Variants in DCDC2 observed in about 807,000 individuals in gnomAD.
DCDC2 encodes doublecortin domain-containing protein 2.
In DCDC2, 40 loss-of-function variants were observed where a neutral mutation model predicts 50.2. The ratio of observed to expected loss-of-function variants is 0.80; its 90% CI spans 0.62 to 1.04. The LOEUF (loss-of-function observed/expected upper bound fraction) is 1.04. Ranked by LOEUF, DCDC2 falls within the 50% of genes least tolerant of loss-of-function variation. The pLI, the probability that DCDC2 is intolerant of heterozygous loss-of-function variation, is 0.00. For missense variants in DCDC2, 570 were observed against 581.9 expected (o/e 0.98, Z 0.21); for synonymous variants, 234 against 210.6 (o/e 1.11, Z -0.96).
At chr6:24,192,418 C>T (rs1350836661) in intron 8 of DCDC2, among the ~76,000 whole-genome samples, 1 of 151,438 alleles carries the variant, frequency 6.6e-6, no homozygotes, top group Admixed American at 6.6e-5. Flanking sequence ...CTTAATACCT[C>T]ACTCTCAAAT....
At chr6:24,280,869 A>C (rs899557514) in intron 6 of DCDC2, among the ~76,000 whole-genome samples, 3 of 152,178 alleles carry the variant, frequency 2.0e-5, no homozygotes, top group African/African-American at 7.2e-5. Context: ...GCTTTAGATG[A>C]GAAGATCAAC....
At chr6:24,360,197 G>A (rs1760642703), upstream of DCDC2, among the ~76,000 whole-genome samples, 1 of 152,240 alleles carries the variant, frequency 6.6e-6, no homozygotes, top group Non-Finnish European at 1.5e-5. Flanking sequence ...CAGTGAACCA[G>A]GCCTGGCTTG....
chr6:24,287,829 CATT>C (rs527303972), intron 6 of DCDC2, among the ~76,000 whole-genome samples: 6 of 152,220 alleles, frequency 3.9e-5, no homozygotes, highest in Non-Finnish European at 7.3e-5. Flanking sequence ...TGATGTTTAG[CATT>C]AGCTTGTTTG....
At chr6:24,227,074 T>C (rs999763412) in intron 7 of DCDC2, among the ~76,000 whole-genome samples, 2 of 151,986 alleles carry the variant, frequency 1.3e-5, no homozygotes, top group African/African-American at 2.4e-5. Context: ...CTTCTCCGAC[T>C]GAGAAAGAAC....
At chr6:24,239,684 A>G (rs1219336851) in intron 7 of DCDC2, among the ~76,000 whole-genome samples, 2 of 152,220 alleles carry the variant, frequency 1.3e-5, no homozygotes, top group Non-Finnish European at 2.9e-5. Context: ...GCTAAAAGGA[A>G]ATAATCCAGG....
At chr6:24,206,283 A>T (rs1426317765) in intron 7 of DCDC2, among the ~76,000 whole-genome samples, 2 of 152,194 alleles carry the variant, frequency 1.3e-5, no homozygotes, top group African/African-American at 4.8e-5. Context: ...ACAGAGATAA[A>T]CATACTTCCA....
intron 7 of DCDC2, among the ~76,000 whole-genome samples, chr6:24,275,708 A>C (rs183443121): frequency 6.6e-6 from 1 of 152,166 alleles, no homozygotes; most frequent in East Asian, 1.9e-4. Flanking sequence ...AAAATTCTCT[A>C]AAGAAAAAAA....
chr6:24,213,019 T>C (rs938844436), intron 7 of DCDC2, among the ~76,000 whole-genome samples: 7 of 152,202 alleles, frequency 4.6e-5, no homozygotes, highest in Admixed American at 2.6e-4. Flanking sequence ...TTAACAATAT[T>C]ACAATTATTT....
At chr6:24,185,362 G>A (rs1306087919) in intron 8 of DCDC2, among the ~76,000 whole-genome samples, 1 of 152,144 alleles carries the variant, frequency 6.6e-6, no homozygotes, top group East Asian at 1.9e-4. Context: ...CATCTGGTTA[G>A]TTCAACTTTA....
At position 24,174,675 on chromosome 6, in the gene DCDC2, G is replaced by T; in HGVS notation, c.*55C>A. 8.2e-7 allele frequency: 1 copy of T among 1,225,582 alleles called. No homozygotes were observed. Among genetic ancestry groups the T allele is most frequent in the Non-Finnish European group, 1.2e-6 (1 of 836,662 alleles). The allele number at this position is 1,225,582 out of a possible 1,614,324, so 75.9% of individuals were successfully genotyped here. ...CAATAACTATGTGCTTATCTTTCAAGTATGATAACCCTTCATTTTTCTTGC... is the reference window on the plus strand; with the variant it reads ...CAATAACTATGTGCTTATCTTTCAATTATGATAACCCTTCATTTTTCTTGC... On this transcript the variant is annotated 3_prime_UTR_variant, in exon 10 of 10. Transcript: ENST00000378454.
At chr6:24,327,453 C>T (rs77392804) in intron 2 of DCDC2, among the ~76,000 whole-genome samples, 27,763 of 136,630 alleles carry the variant, frequency 0.2, 4,079 homozygotes, top group East Asian at 0.33. Flanking sequence ...ACATTATAAA[C>T]TTATTTATTT....
intron 9 of DCDC2, 37 bp from the exon 10 acceptor site, chr6:24,174,871 G>C (rs536228276): frequency 1.1e-5 from 16 of 1,402,444 alleles, no homozygotes; most frequent in African/African-American, 1.4e-5. Context: ...GTATTCAGCT[G>C]TTTGGTTCAC....
At chr6:24,269,002 A>G (rs1010570210) in intron 7 of DCDC2, among the ~76,000 whole-genome samples, 3 of 152,260 alleles carry the variant, frequency 2.0e-5, no homozygotes, top group Non-Finnish European at 4.4e-5. Flanking sequence ...AAGGTATTTT[A>G]CAGATATTTT....
chr6:24,358,935 T>TA (rs1491098623), upstream of DCDC2, among the ~76,000 whole-genome samples: 17 of 35,520 alleles, frequency 4.8e-4, no homozygotes, highest in East Asian at 2.4e-3. Flanking sequence ...ATATTATATA[T>TA]TTTATATATT....
chr6:24,363,536 G>C, the DCDC2 span, among the ~76,000 whole-genome samples: 2 of 152,010 alleles, frequency 1.3e-5, no homozygotes, highest in African/African-American at 4.8e-5. Context: ...TACCAACAAG[G>C]CATTTGCTGT....
chr6:24,291,957 G>A (rs3804326), intron 4 of DCDC2, among the ~76,000 whole-genome samples: 10,953 of 152,132 alleles, frequency 0.072, 644 homozygotes, highest in East Asian at 0.25. Flanking sequence ...CATTGCCAGT[G>A]TTAATGATGC....
chr6:24,331,656 T>G (rs1430449119), intron 2 of DCDC2, among the ~76,000 whole-genome samples: 1 of 152,214 alleles, frequency 6.6e-6, no homozygotes. Flanking sequence ...GTATTTTTTA[T>G]AATTATATAA....
intron 7 of DCDC2, among the ~76,000 whole-genome samples, chr6:24,245,418 G>C (rs1278190254): frequency 6.6e-6 from 1 of 152,090 alleles, no homozygotes; most frequent in Non-Finnish European, 1.5e-5. Context: ...AGAAAGCTTG[G>C]CATCTCTCTG....
At chr6:24,310,583 C>T (rs1487411021) in intron 2 of DCDC2, among the ~76,000 whole-genome samples, 1 of 152,160 alleles carries the variant, frequency 6.6e-6, no homozygotes, top group African/African-American at 2.4e-5. Flanking sequence ...TATCACATGC[C>T]ATGTTGTTTA....
Sources: allele counts gnomAD v4.1 joint callset (sites outside exome capture counted in the v4.1 genomes callset), GRCh38; gene constraint gnomAD v4.1.1; transcripts MANE v1.5; gene names NCBI Gene and HGNC (gene_info 2026-07-23, HGNC 2026-07-21).